The following TADA2A variants were observed in gnomAD, a reference collection of about 807,000 sequenced individuals.
TADA2A encodes the protein transcriptional adaptor 2A.
TADA2A carries 38 observed loss-of-function variants against 67.4 expected under a neutral mutation model. That is an observed-to-expected ratio of 0.56 (90% CI 0.44 to 0.74). The LOEUF (loss-of-function observed/expected upper bound fraction) is 0.74. Ranked by LOEUF, TADA2A falls within the 30% of genes least tolerant of loss-of-function variation. The pLI is 0.00. For synonymous variants in TADA2A, 192 were observed against 181.6 expected (o/e 1.06, Z -0.46); for missense variants, 454 against 547.0 (o/e 0.83, Z 1.70).
chr17:37,412,726 T>A (rs1055701883), intron 2 of TADA2A, among the ~76,000 whole-genome samples: 3 of 151,020 alleles, frequency 2.0e-5, no homozygotes, highest in African/African-American at 7.3e-5. Flanking sequence ...GAGGCTACAG[T>A]AAACCAAGAT....
chr17:37,444,778 T>G lies in TADA2A; in HGVS notation c.604+10T>G. 6.2e-7 allele frequency: 1 copy of G among 1,613,334 alleles called. No homozygotes were observed. Among genetic ancestry groups the G allele is most frequent in the Non-Finnish European group, 8.5e-7 (1 of 1,179,300 alleles). The stretch of plus-strand genomic sequence containing the variant: ...TCGGACATTTTACATGGTAACAGTT[T>G]ATTTTGTCAAATGTTTATCGAGCGC... On this transcript the variant is annotated intron_variant, in intron 8 of 15. Coordinates refer to ENST00000615182, the MANE Select transcript of TADA2A (RefSeq NM_001166105.3).
At chr17:37,460,686 C>T (rs1024196026) in intron 9 of TADA2A, among the ~76,000 whole-genome samples, 1 of 152,204 alleles carries the variant, frequency 6.6e-6, no homozygotes, top group Non-Finnish European at 1.5e-5. Flanking sequence ...AAAAAGTATA[C>T]ATTCAGACTT....
Position 37,471,086 on chromosome 17 carries a change from C to T in TADA2A, c.1029-8C>T, listed in dbSNP as rs1427877238. On this transcript the variant is annotated splice_polypyrimidine_tract_variant and splice_region_variant and intron_variant, in intron 13 of 15. Transcript: ENST00000615182. ...GACCTAAGTTTAAATTCCTCTTCTT[C>T]GTTGTAGTGATTCCGGCCTGAGTCC... 9.3e-6 allele frequency: 15 copies of T among 1,614,096 alleles called. No homozygotes were observed. The highest frequency in any genetic ancestry group is 6.7e-5 in the East Asian group (3 of 44,876).
chr17:37,411,119 A>G (rs995486745), intron 1 of TADA2A, 150 bp from the exon 2 acceptor site: 1 of 577,524 alleles, frequency 1.7e-6, no homozygotes, highest in Admixed American at 3.0e-5. Context: ...TATACCCACT[A>G]CAGAGGAAGA....
At chr17:37,407,680 G>A (rs538601809) in intron 1 of TADA2A, among the ~76,000 whole-genome samples, 2 of 151,270 alleles carry the variant, frequency 1.3e-5, no homozygotes. Flanking sequence ...TGGCACGATC[G>A]CGGCTCACTG....
At chr17:37,410,903 A>G (rs1476524518) in intron 1 of TADA2A, among the ~76,000 whole-genome samples, 1 of 152,208 alleles carries the variant, frequency 6.6e-6, no homozygotes, top group Non-Finnish European at 1.5e-5. Context: ...AATGATGCTG[A>G]GTAGAGAAAG....
intron 8 of TADA2A, among the ~76,000 whole-genome samples, chr17:37,451,803 G>C (rs1160210355): frequency 6.6e-6 from 1 of 151,564 alleles, no homozygotes; most frequent in Non-Finnish European, 1.5e-5. Flanking sequence ...GGCCAACACG[G>C]TGAAACCCCG....
intron 4 of TADA2A, among the ~76,000 whole-genome samples, chr17:37,427,308 G>A (rs1261120264): frequency 6.6e-6 from 1 of 152,188 alleles, no homozygotes; most frequent in Admixed American, 6.5e-5. Context: ...AGGATAACAG[G>A]TATGCTGCTT....
At chr17:37,455,590 C>T (rs1648644984) in intron 8 of TADA2A, among the ~76,000 whole-genome samples, 1 of 152,080 alleles carries the variant, frequency 6.6e-6, no homozygotes, top group African/African-American at 2.4e-5. Context: ...ACCATGTTAG[C>T]CAGGATGGTC....
At chr17:37,408,608 A>G (rs1454778163) in intron 1 of TADA2A, 5 of 152,212 alleles carry the variant, frequency 3.3e-5, no homozygotes, top group Non-Finnish European at 7.3e-5. Flanking sequence ...CGCAAGTAAC[A>G]TACTCTTTCA....
At chr17:37,462,797 A>G (rs1346486634) in intron 10 of TADA2A, among the ~76,000 whole-genome samples, 2 of 152,242 alleles carry the variant, frequency 1.3e-5, no homozygotes, top group Non-Finnish European at 2.9e-5. Context: ...TAAGCATAAC[A>G]TAACCTTAAT....
rs758663840 is a variant in TADA2A, at chr17:37,420,779, T to C, written c.26-2730T>C. Among the ~76,000 whole-genome samples the C allele has an allele frequency of 3.4e-5, 5 of 146,760 alleles. 1 individual carries two copies. Among genetic ancestry groups the C allele is most frequent in the South Asian group, 2.2e-4 (1 of 4,514 alleles). ...ACCTTGAAGAACATTTCTTGGACTT[T>C]AGGGAGGCAAATACTGTTACAGAAT... On this transcript the variant is annotated intron_variant, in intron 2 of 15. Transcript: ENST00000615182.
chr17:37,445,109 T>G (rs2053036953), intron 8 of TADA2A, among the ~76,000 whole-genome samples: 1 of 152,216 alleles, frequency 6.6e-6, no homozygotes, highest in African/African-American at 2.4e-5. Flanking sequence ...TTCTTGGGAC[T>G]TCACTAGCAA....
chr17:37,450,682 C>G (rs1204028205), intron 8 of TADA2A: 1 of 152,226 alleles, frequency 6.6e-6, no homozygotes, highest in Non-Finnish European at 1.5e-5. Context: ...TTAATGATCT[C>G]TGGTTCTCTG....
Position 37,442,603 on chromosome 17 carries a change from T to G in TADA2A, c.482T>G (p.Leu161Arg). 1 of 1,614,126 alleles carries G rather than the reference T, an allele frequency of 6.2e-7. No homozygotes were observed. Among genetic ancestry groups the G allele is most frequent in the Non-Finnish European group, 8.5e-7 (1 of 1,180,022 alleles). ...DPPRPTFDSL[L>R]SRDMAGYMPA... ...CCCCGACCTACCTTTGACTCCTTGC[T>G]TTCTCGGGACATGGCCGGGTACATG... The change falls in exon 7 of 16, where the codon CTT becomes CGT. Residue 161 changes from leucine to arginine, a missense_variant. Around this residue, in one of 2 missense-constraint regions of TADA2A, gnomAD observed 403 missense variants for 455.5 expected, o/e 0.88. Transcript: ENST00000615182.
At chr17:37,415,756 C>T (rs1252765168) in intron 2 of TADA2A, among the ~76,000 whole-genome samples, 1 of 151,832 alleles carries the variant, frequency 6.6e-6, no homozygotes, top group Non-Finnish European at 1.5e-5. Flanking sequence ...TGCCTGTAAT[C>T]CCAGCTACTC....
intron 12 of TADA2A, among the ~76,000 whole-genome samples, chr17:37,469,582 G>A (rs113912270): frequency 2.0e-5 from 3 of 152,218 alleles, no homozygotes; most frequent in Admixed American, 6.5e-5. Flanking sequence ...GCTGTGAGCC[G>A]AGATCGCGCC....
intron 9 of TADA2A, 100 bp downstream of exon 9, chr17:37,458,687 CTG>C (rs2053468049): frequency 4.1e-6 from 4 of 978,162 alleles, no homozygotes; most frequent in South Asian, 1.9e-5. Context: ...GTGTCTGTGT[CTG>C]TGAGAGAGGC....
At chr17:37,441,611 C>T (rs2052919181) in intron 6 of TADA2A, among the ~76,000 whole-genome samples, 1 of 151,850 alleles carries the variant, frequency 6.6e-6, no homozygotes, top group African/African-American at 2.4e-5. Flanking sequence ...TTTCTCTTTC[C>T]TCATACTCTC....
Sources: gnomAD v4.1 joint callset for allele counts (sites outside exome capture counted in the v4.1 genomes callset) on GRCh38, gnomAD v4.1.1 for gene constraint, gnomAD v4.1.1 regional missense constraint, MANE v1.5 for transcripts, NCBI Gene and HGNC (gene_info 2026-07-23, HGNC 2026-07-21) for gene names.